LINC00305: variants seen among roughly 807,000 people sequenced by gnomAD.
LINC00305 encodes the protein long intergenic non-protein coding RNA 305.
chr18:64,101,495 G>A (rs2051267833), intron 1 of LINC00305, among the ~76,000 whole-genome samples: 1 of 152,116 alleles, frequency 6.6e-6, no homozygotes, highest in Non-Finnish European at 1.5e-5. Context: ...TGCCCCCATT[G>A]TCACATGGTA....
chr18:64,132,467 C>T (rs1424986506), intron 1 of LINC00305, among the ~76,000 whole-genome samples: 1 of 152,184 alleles, frequency 6.6e-6, no homozygotes, highest in Non-Finnish European at 1.5e-5. Context: ...CTGCCGAATT[C>T]CGTACATACG....
chr18:64,139,990 C>T (rs143186139), intron 1 of LINC00305, among the ~76,000 whole-genome samples: 1 of 152,108 alleles, frequency 6.6e-6, no homozygotes. Flanking sequence ...GTGACACTGA[C>T]CTTGTTCTTC....
intron 3 of LINC00305, among the ~76,000 whole-genome samples, chr18:64,096,564 A>G (rs1044805318): frequency 2.6e-5 from 4 of 151,872 alleles, no homozygotes; most frequent in African/African-American, 9.7e-5. Context: ...ATTATTTATT[A>G]AATGTCGAGC....
chr18:64,137,286 C>T (rs916780986), intron 1 of LINC00305, among the ~76,000 whole-genome samples: 1 of 152,294 alleles, frequency 6.6e-6, no homozygotes, highest in Admixed American at 6.5e-5. Context: ...TTGGATGGAG[C>T]ATGGCCCTGC....
chr18:64,098,551 A>G (rs1337097847), intron 2 of LINC00305: 2 of 440,242 alleles, frequency 4.5e-6, no homozygotes, highest in African/African-American at 2.0e-5. Flanking sequence ...GTAACTTTAA[A>G]GAAAGAATTT....
At chr18:64,116,803 A>G (rs2051339751) in intron 1 of LINC00305, among the ~76,000 whole-genome samples, 1 of 152,112 alleles carries the variant, frequency 6.6e-6, no homozygotes, top group Non-Finnish European at 1.5e-5. Context: ...TGTTTCTTAC[A>G]CACTTTCTTG....
chr18:64,134,035 T>C (rs1418264864), intron 1 of LINC00305, among the ~76,000 whole-genome samples: 3 of 152,226 alleles, frequency 2.0e-5, no homozygotes, highest in Non-Finnish European at 2.9e-5. Flanking sequence ...GTTTTTAAGG[T>C]ATTAAACATC....
chr18:64,090,721 C>T (rs2051221823), intron 3 of LINC00305, among the ~76,000 whole-genome samples: 2 of 152,066 alleles, frequency 1.3e-5, no homozygotes, highest in Admixed American at 1.3e-4. Flanking sequence ...TTTTTATTTG[C>T]TTTTCGATGT....
At chr18:64,091,159 C>T (rs925164969) in intron 3 of LINC00305, among the ~76,000 whole-genome samples, 2 of 152,218 alleles carry the variant, frequency 1.3e-5, no homozygotes, top group Admixed American at 6.5e-5. Flanking sequence ...CTTAGAACAT[C>T]ATTGCCTCTT....
At chr18:64,140,446 T>C (rs540206199) in intron 1 of LINC00305, among the ~76,000 whole-genome samples, 9 of 152,256 alleles carry the variant, frequency 5.9e-5, no homozygotes, top group African/African-American at 2.2e-4. Context: ...TGACCTCAGG[T>C]GATCCACCAG....
intron 1 of LINC00305, among the ~76,000 whole-genome samples, chr18:64,126,491 A>T (rs948164867): frequency 1.3e-5 from 2 of 152,120 alleles, no homozygotes; most frequent in Non-Finnish European, 2.9e-5. Flanking sequence ...TCGGTTAGAC[A>T]TGCTGACCAA....
At chr18:64,084,599 T>C (rs953266595) in intron 3 of LINC00305, among the ~76,000 whole-genome samples, 1 of 152,374 alleles carries the variant, frequency 6.6e-6, no homozygotes, top group African/African-American at 2.4e-5. Context: ...GTATCTTTCA[T>C]GGTTTATCAA....
At chr18:64,137,399 G>A (rs2144274163) in intron 1 of LINC00305, among the ~76,000 whole-genome samples, 1 of 152,306 alleles carries the variant, frequency 6.6e-6, no homozygotes, top group East Asian at 1.9e-4. Flanking sequence ...ACAACCCTGG[G>A]AAATTGCAAC....
intron 1 of LINC00305, among the ~76,000 whole-genome samples, chr18:64,132,687 A>C (rs564154929): frequency 6.6e-6 from 1 of 152,190 alleles, no homozygotes; most frequent in Non-Finnish European, 1.5e-5. Flanking sequence ...CCACAGCTCC[A>C]TGATTCTCCT....
At chr18:64,137,009 C>T (rs1184184309) in intron 1 of LINC00305, among the ~76,000 whole-genome samples, 2 of 152,204 alleles carry the variant, frequency 1.3e-5, no homozygotes, top group African/African-American at 4.8e-5. Flanking sequence ...TACGTGGAAC[C>T]TATAATGTGA....
At chr18:64,115,707 C>A (rs2051334553) in intron 1 of LINC00305, among the ~76,000 whole-genome samples, 1 of 152,118 alleles carries the variant, frequency 6.6e-6, no homozygotes, top group African/African-American at 2.4e-5. Context: ...CTCTAGGATC[C>A]TTGCCTTCCT....
chr18:64,101,124 G>A (rs188485787), intron 1 of LINC00305, among the ~76,000 whole-genome samples: 1 of 152,254 alleles, frequency 6.6e-6, no homozygotes, highest in East Asian at 1.9e-4. Flanking sequence ...GTCTCATGGT[G>A]GGTTTGTATT....
intron 1 of LINC00305, among the ~76,000 whole-genome samples, chr18:64,109,998 G>A (rs1001906852): frequency 1.6e-4 from 24 of 152,078 alleles, no homozygotes; most frequent in Admixed American, 1.6e-3. Flanking sequence ...AAGCTCATCA[G>A]CTATCATTAG....
rs190427514 is a variant in LINC00305, at chr18:64,084,913, G to A, written n.541-4511C>T. 3.9e-5 allele frequency among the ~76,000 whole-genome samples: 6 copies of A among 152,310 alleles called. No homozygotes were observed. The East Asian group carries it at 5.8e-4, about 15-fold the overall frequency. On this transcript the variant is annotated intron_variant and non_coding_transcript_variant, in intron 3 of 3. Transcript: ENST00000666468. ...AAAGCTTCATCTCTCCTAGCATCAC[G>A]ACCATCAATGCAGGTATGTGGCTGA...
Sources: allele counts gnomAD v4.1 joint callset (sites outside exome capture counted in the v4.1 genomes callset), GRCh38; gene constraint gnomAD v4.1.1; transcripts MANE v1.5; gene names NCBI Gene and HGNC (gene_info 2026-07-23, HGNC 2026-07-21).